The following SEMA3A variants were observed in gnomAD, a reference collection of about 807,000 sequenced individuals.
SEMA3A encodes semaphorin 3A, also known as semaphorin-3A.
In SEMA3A, 29 loss-of-function variants were observed where a neutral mutation model predicts 97.9. That is an observed-to-expected ratio of 0.30 (90% CI 0.22 to 0.40). The LOEUF is 0.40. Among genes scored for constraint, SEMA3A ranks in the 10% least tolerant of loss-of-function variants. SEMA3A has a pLI of 1.00. For missense variants in SEMA3A, 763 were observed against 951.3 expected (o/e 0.80, Z 2.60); for synonymous variants, 321 against 323.7 (o/e 0.99, Z 0.09).
chr7:84,086,464 ATAAT>A (rs1171049004), intron 4 of SEMA3A, among the ~76,000 whole-genome samples: 43 of 102,824 alleles, frequency 4.2e-4, no homozygotes, highest in Non-Finnish European at 5.9e-4. Context: ...ATATTCATAT[ATAAT>A]ATGTATTATT....
chr7:84,165,892 T>C (rs1219785255), intron 1 of SEMA3A, among the ~76,000 whole-genome samples: 2 of 152,048 alleles, frequency 1.3e-5, no homozygotes, highest in African/African-American at 4.8e-5. Flanking sequence ...CAACTTACAA[T>C]TCAGCTTGTA....
chr7:84,417,655 T>C (rs1804472069), intron 1 of SEMA3A, among the ~76,000 whole-genome samples: 1 of 152,106 alleles, frequency 6.6e-6, no homozygotes, highest in South Asian at 2.1e-4. Context: ...TGACTTTTTC[T>C]TATTTATTTT....
In SEMA3A at chr7:83,985,359, GATAA is replaced by G. The variant is rs1198732157; in HGVS notation, c.1494+73_1494+76del. On this transcript the variant is annotated intron_variant, in intron 13 of 16. Transcript: ENST00000265362. ...AATTGTTAACAAATCTGTGAAATTT[GATAA>G]ATAGATATATCTATTGAAACACCAG... is the stretch of plus-strand genomic sequence containing the variant. 3.5e-5 allele frequency: 35 copies of G among 992,560 alleles called. No homozygotes were observed. In the Middle Eastern group the frequency reaches 1.7e-3, roughly 48 times the overall value. 61.5% of individuals were successfully genotyped at this position (992,560 alleles called of 1,614,324 possible).
upstream of SEMA3A, among the ~76,000 whole-genome samples, chr7:84,198,392 C>T (rs1798286808): frequency 1.3e-5 from 2 of 151,914 alleles, no homozygotes; most frequent in Non-Finnish European, 2.9e-5. Flanking sequence ...AGGGTTTCAC[C>T]ATGTTGGTCA....
chr7:83,961,894 G>A (rs1788488239), intron 16 of SEMA3A, 68 bp from the exon 17 acceptor site: 7 of 1,220,340 alleles, frequency 5.7e-6, no homozygotes, highest in Non-Finnish European at 8.0e-6. Flanking sequence ...CTGAAACTCC[G>A]TGTCTGTAAA....
intron 5 of SEMA3A, among the ~76,000 whole-genome samples, chr7:84,049,299 C>CTA (rs1792492811): frequency 6.6e-6 from 1 of 152,010 alleles, no homozygotes; most frequent in Non-Finnish European, 1.5e-5. Flanking sequence ...CCCATCTTGT[C>CTA]CATACTCAAT....
At chr7:84,032,768 T>C (rs2116468488) in intron 6 of SEMA3A, among the ~76,000 whole-genome samples, 1 of 151,900 alleles carries the variant, frequency 6.6e-6, no homozygotes, top group East Asian at 1.9e-4. Context: ...ATTATTTATT[T>C]ATTTAGTATC....
At chr7:84,490,056 A>G (rs1274701192) in intron 1 of SEMA3A, among the ~76,000 whole-genome samples, 1 of 152,014 alleles carries the variant, frequency 6.6e-6, no homozygotes, top group African/African-American at 2.4e-5. Context: ...TGCATAATAC[A>G]TGAAAAAATT....
chr7:84,464,882 T>C (rs1230311893), intron 1 of SEMA3A, among the ~76,000 whole-genome samples: 2 of 152,118 alleles, frequency 1.3e-5, no homozygotes, highest in Non-Finnish European at 2.9e-5. Flanking sequence ...TGTATTCCTA[T>C]CAGTGTAATA....
intron 5 of SEMA3A, among the ~76,000 whole-genome samples, chr7:84,054,210 G>T (rs1792833128): frequency 6.6e-6 from 1 of 152,264 alleles, no homozygotes; most frequent in African/African-American, 2.4e-5. Flanking sequence ...CTCTTCTCGA[G>T]GAGTATCTTT....
chr7:84,098,209 T>TA (rs1272557159), intron 4 of SEMA3A, among the ~76,000 whole-genome samples: 3 of 152,074 alleles, frequency 2.0e-5, no homozygotes, highest in Non-Finnish European at 2.9e-5. Context: ...TAGGAAAAAG[T>TA]AAAAAGACAT....
At chr7:84,009,217 T>G in intron 9 of SEMA3A, among the ~76,000 whole-genome samples, 1 of 152,212 alleles carries the variant, frequency 6.6e-6, no homozygotes, top group East Asian at 1.9e-4. Flanking sequence ...TAGGAGATTC[T>G]GATGCACACT....
rs61623414 is a variant in SEMA3A at position 84,473,141 on chromosome 7, G to GGTGTGTGTGTGTGTGT, written c.-246+19303_-246+19318dup. Reference sequence around the variant, plus strand: ...TTGGGCTTAATGGGAAAAAAGAAATGGTGTGTGTGTGTGTGTGTGTGTGTG... The same window carrying GGTGTGTGTGTGTGTGT: ...TTGGGCTTAATGGGAAAAAAGAAATGGTGTGTGTGTGTGTGTGTGTGTGTGTGTGTGTGTGTGTGTG... On this transcript the variant is annotated intron_variant, in intron 1 of 3. Coordinates refer to the SEMA3A transcript ENST00000424555. Among the ~76,000 whole-genome samples the GGTGTGTGTGTGTGTGT allele has an allele frequency of 5.0e-3, 710 of 141,500 alleles. 5 individuals are homozygous for GGTGTGTGTGTGTGTGT. Among genetic ancestry groups the GGTGTGTGTGTGTGTGT allele is most frequent in the African/African-American group, 0.015 (582 of 38,400 alleles). The allele number at this position is 141,500 out of a possible 152,430, so 92.8% of individuals were successfully genotyped here. A position where few individuals can be genotyped will look rare whatever the true frequency, so the allele number is the denominator to read the frequency against.
chr7:84,236,331 T>C (rs1170593907), intron 3 of SEMA3A, among the ~76,000 whole-genome samples: 2 of 152,090 alleles, frequency 1.3e-5, no homozygotes, highest in Non-Finnish European at 2.9e-5. Context: ...TTCCCAGTTA[T>C]ACTAGACTAA....
Position 83,961,829 on chromosome 7 carries a change from A to C in SEMA3A, c.1861-3T>G. 6.2e-7 allele frequency: 1 copy of C among 1,608,120 alleles called. No individual in the cohort carries two copies. Among genetic ancestry groups the C allele is most frequent in the Non-Finnish European group, 8.5e-7 (1 of 1,176,482 alleles). On this transcript the variant is annotated splice_polypyrimidine_tract_variant and splice_region_variant and intron_variant, in intron 16 of 16. Transcript: ENST00000265362. ...ATGATATGATCATCCACTCTGATCT[A>C]GCAGGTTAAAAAAAAGGCAGTGTAA...
intron 3 of SEMA3A, among the ~76,000 whole-genome samples, chr7:84,226,668 G>A (rs1798995979): frequency 6.6e-6 from 1 of 151,934 alleles, no homozygotes; most frequent in South Asian, 2.1e-4. Flanking sequence ...AAGCCAAAGA[G>A]CCAAATATTT....
intron 1 of SEMA3A, among the ~76,000 whole-genome samples, chr7:84,150,766 T>C (rs532785932): frequency 3.9e-4 from 60 of 152,224 alleles, no homozygotes; most frequent in South Asian, 1.2e-3. Context: ...CCTGCCTCTG[T>C]AGGCTCCACC....
intron 6 of SEMA3A, among the ~76,000 whole-genome samples, chr7:84,026,952 A>C (rs954926788): frequency 2.0e-5 from 3 of 152,182 alleles, no homozygotes; most frequent in Admixed American, 1.3e-4. Flanking sequence ...CTGTGACACG[A>C]GTTTACCTAT....
chr7:84,309,054 G>A (rs1042758965), intron 2 of SEMA3A, among the ~76,000 whole-genome samples: 13 of 152,156 alleles, frequency 8.5e-5, no homozygotes, highest in Admixed American at 8.5e-4. Context: ...CTAACCTCAG[G>A]TGATCCGCCT....
Sources: allele counts gnomAD v4.1 joint callset (sites outside exome capture counted in the v4.1 genomes callset), GRCh38; gene constraint gnomAD v4.1.1; transcripts MANE v1.5; gene names NCBI Gene and HGNC (gene_info 2026-07-23, HGNC 2026-07-21).